Variants in MATR3 observed in about 807,000 individuals in gnomAD.
The protein encoded by MATR3 is matrin 3, also known as matrin-3.
A neutral mutation model predicts 85.5 loss-of-function variants in MATR3; 4 were observed. The ratio of observed to expected loss-of-function variants is 0.05; its 90% CI spans 0.02 to 0.11. The LOEUF (loss-of-function observed/expected upper bound fraction) is 0.11, where lower values mean the gene tolerates loss of function less well. Among genes scored for constraint, MATR3 ranks in the 10% least tolerant of loss-of-function variants. The pLI, the probability that MATR3 is intolerant of heterozygous loss-of-function variation, is 1.00. For missense variants in MATR3, 685 were observed against 1,016.1 expected (o/e 0.67, Z 4.43); for synonymous variants, 336 against 343.1 (o/e 0.98, Z 0.23).
At chr5:139,315,911 T>A in intron 4 of MATR3, 165 bp from the exon 5 acceptor site, 1 of 751,212 alleles carries the variant, frequency 1.3e-6, no homozygotes, top group Non-Finnish European at 2.3e-6. Flanking sequence ...TGTAGTAATT[T>A]GTATTCTTTT....
chr5:139,320,927 T>C (rs1479535772), intron 9 of MATR3, among the ~76,000 whole-genome samples: 1 of 149,054 alleles, frequency 6.7e-6, no homozygotes, highest in East Asian at 2.0e-4. Context: ...TTTTTTTTTT[T>C]TTTTTTGTAT....
chr5:139,280,265 T>C (rs1415040820), intron 3 of MATR3, among the ~76,000 whole-genome samples: 2 of 152,234 alleles, frequency 1.3e-5, no homozygotes, highest in African/African-American at 4.8e-5. Flanking sequence ...ACCATTCTTA[T>C]TTTGAGAGCC....
chr5:139,307,649 T>C lies in MATR3; in HGVS notation c.234T>C (p.Thr78=), dbSNP rs1754776525. 2 of 1,614,216 alleles carry C rather than the reference T, an allele frequency of 1.2e-6. No homozygotes were observed. The highest frequency in any genetic ancestry group is 1.7e-5 in the Admixed American group (1 of 60,022). ...GAHSALSSAS[T]SSHNLQSIFN... ...ATAGTGCACTGTCTTCTGCTAGTAC[T>C]TCTTCCCATAATTTGCAGTCTATAT... The change falls in exon 2 of 15, where the codon ACT becomes ACC. Residue 78 remains threonine (T), a synonymous_variant. Coordinates refer to ENST00000394805, the MANE Select transcript of MATR3 (RefSeq NM_018834.6). The surrounding 1 kb of genome is among the most constrained non-coding windows in gnomAD (Gnocchi z 4.4).
chr5:139,320,977 C>T (rs1402510508), intron 9 of MATR3, among the ~76,000 whole-genome samples: 3 of 149,364 alleles, frequency 2.0e-5, no homozygotes, highest in East Asian at 2.0e-4. Context: ...AGGATGGTCT[C>T]GATCCCCTGA....
upstream of MATR3, among the ~76,000 whole-genome samples, chr5:139,291,191 C>G (rs1429168908): frequency 2.0e-5 from 3 of 152,230 alleles, no homozygotes; most frequent in Non-Finnish European, 4.4e-5. Flanking sequence ...ACATTCTGAT[C>G]CCTCTGCCTG....
chr5:139,289,929 A>C (rs888519993), upstream of MATR3, among the ~76,000 whole-genome samples: 1 of 152,158 alleles, frequency 6.6e-6, no homozygotes, highest in Non-Finnish European at 1.5e-5. Context: ...AATCTTGTAG[A>C]TGTCATTGGT....
chr5:139,303,101 TTTTA>T lies in MATR3; in HGVS notation c.-177-4134_-177-4131del, dbSNP rs1754535632. On this transcript the variant is annotated intron_variant, in intron 1 of 14. Transcript: ENST00000394805. ...AAGACTGAGAAGAGAAAAATTATTT[TTTTA>T]TTTGTTTTGTTTTTTGAGACGATGT... Among the ~76,000 whole-genome samples the T allele has an allele frequency of 2.6e-5, 4 of 152,206 alleles. No individual in the cohort carries two copies. In the South Asian group the frequency reaches 8.3e-4, roughly 32 times the overall value.
chr5:139,292,284 A>G (rs1476357653), upstream of MATR3, among the ~76,000 whole-genome samples: 1 of 152,092 alleles, frequency 6.6e-6, no homozygotes, highest in Non-Finnish European at 1.5e-5. Context: ...TTAATGTCTC[A>G]GTTTTGTGAT....
Position 139,329,342 on chromosome 5 carries a change from T to C in MATR3, c.2494-3T>C. 1.3e-6 allele frequency: 2 copies of C among 1,560,914 alleles called. No individual in the cohort carries two copies. Among genetic ancestry groups the C allele is most frequent in the Non-Finnish European group, 1.8e-6 (2 of 1,137,728 alleles). On this transcript the variant is annotated splice_region_variant and splice_polypyrimidine_tract_variant and intron_variant, in intron 14 of 14. Coordinates refer to ENST00000394805, the MANE Select transcript of MATR3 (RefSeq NM_018834.6). ...TAATGGCTGTAATTCTCTTTCTTTA[T>C]AGAAATTTCTGAATAAATTGGCAGA... is the stretch of plus-strand genomic sequence containing the variant.
intron 3 of MATR3, chr5:139,315,385 T>A: frequency 3.2e-6 from 1 of 312,394 alleles, no homozygotes; most frequent in Non-Finnish European, 6.0e-6. Context: ...TGTTCTTGTT[T>A]CTATGTAACC....
chr5:139,276,448 A>C (rs1753278448), intron 2 of MATR3: 4 of 334,402 alleles, frequency 1.2e-5, no homozygotes, highest in African/African-American at 2.2e-5. Flanking sequence ...ATTTAAAAAA[A>C]AATTGCCAAA....
At chr5:139,305,984 T>C (rs1220540705) in intron 1 of MATR3, among the ~76,000 whole-genome samples, 5 of 152,220 alleles carry the variant, frequency 3.3e-5, no homozygotes, top group Non-Finnish European at 7.4e-5. Flanking sequence ...TGTCTGGTTT[T>C]ACTGTTAAAG....
At chr5:139,321,833 A>ATAC in intron 9 of MATR3, 65 bp from the exon 10 acceptor site, 6 of 1,533,580 alleles carry the variant, frequency 3.9e-6, no homozygotes, top group Non-Finnish European at 5.4e-6. Context: ...TAGAATACAT[A>ATAC]ATAAGGTTTT....
intron 1 of MATR3, chr5:139,294,199 G>C: frequency 1.8e-6 from 1 of 550,006 alleles, no homozygotes; most frequent in Non-Finnish European, 2.8e-6. Context: ...CTGAGGGGGA[G>C]GGAGGAGCTC....
intron 1 of MATR3, among the ~76,000 whole-genome samples, chr5:139,299,344 G>C (rs912405504): frequency 2.0e-5 from 3 of 152,150 alleles, no homozygotes; most frequent in Admixed American, 6.6e-5. Context: ...AAGGTTTAGA[G>C]AAGTAGAATG....
Position 139,316,056 on chromosome 5 carries a change from T to G in MATR3, c.1017-20T>G, listed in dbSNP as rs1357626326. On this transcript the variant is annotated intron_variant, in intron 4 of 14. Transcript: ENST00000394805. ...GGACCTCTTTATTATGATTTATATT[T>G]TATGTCTTCACTTTACTAGGGGTGA... 3 of 1,516,770 alleles carry G rather than the reference T, an allele frequency of 2.0e-6. No homozygotes were observed. Among genetic ancestry groups the G allele is most frequent in the African/African-American group, 2.7e-5 (2 of 73,328 alleles). 94.0% of individuals were successfully genotyped at this position (1,516,770 alleles called of 1,614,324 possible).
At chr5:139,309,890 A>G (rs1003482267) in intron 2 of MATR3, among the ~76,000 whole-genome samples, 2 of 152,290 alleles carry the variant, frequency 1.3e-5, no homozygotes, top group Admixed American at 1.3e-4. Context: ...TAAGGAAATA[A>G]TAGCAGAAAT....
At chr5:139,289,787 C>G (rs977160354), upstream of MATR3, among the ~76,000 whole-genome samples, 2 of 152,230 alleles carry the variant, frequency 1.3e-5, no homozygotes, top group African/African-American at 4.8e-5. Context: ...TTTCTCTCCT[C>G]TAGTCTCTTC....
rs2152010949 is a variant in MATR3, at chr5:139,322,952, G to C, written c.2133G>C (p.Lys711Asn). Residue 711 changes from lysine (K) to asparagine (N), a missense_variant, in exon 12 of 15, where the codon AAG becomes AAC. By Grantham distance (94) the Lys-to-Asn change is moderately conservative. Around this residue, in one of 9 missense-constraint regions of MATR3, gnomAD observed 215 missense variants for 194.7 expected, o/e 1.10. Coordinates refer to ENST00000394805, the MANE Select transcript of MATR3 (RefSeq NM_018834.6). ...ATGGAAGTGCTTCAGCAGCAGCAAA[G>C]AAAAAGCTTAAAAAGGTAAAGAAAG... Reference protein sequence around the residue: ...KKDGSASAAAKKKLKKVDKIE... With the variant: ...KKDGSASAAANKKLKKVDKIE... 1 of 1,613,906 alleles carries C rather than the reference G, an allele frequency of 6.2e-7. No homozygotes were observed. The highest frequency in any genetic ancestry group is 8.5e-7 in the Non-Finnish European group (1 of 1,179,952).
Sources: gnomAD v4.1 joint callset for allele counts (sites outside exome capture counted in the v4.1 genomes callset) on GRCh38, gnomAD v4.1.1 for gene constraint, gnomAD v4.1.1 regional missense constraint, Gnocchi (gnomAD v3.1) non-coding constraint, MANE v1.5 for transcripts, NCBI Gene and HGNC (gene_info 2026-07-23, HGNC 2026-07-21) for gene names.